Variants in CRADD observed in about 807,000 individuals in gnomAD.
CRADD encodes the protein death domain-containing protein CRADD.
Under a neutral mutation model 15.5 loss-of-function variants are expected in CRADD, and 9 were observed. The ratio of observed to expected loss-of-function variants is 0.58; its 90% CI spans 0.35 to 1.01. CRADD has a LOEUF of 1.01. Among genes scored for constraint, CRADD ranks in the 50% least tolerant of loss-of-function variants. The pLI is 0.02. For missense variants in CRADD, 227 were observed against 250.3 expected, an observed-to-expected ratio of 0.91 and a Z score of 0.63; for synonymous variants, 118 against 107.6, an observed-to-expected ratio of 1.10 and a Z score of -0.60.
intron 2 of CRADD, among the ~76,000 whole-genome samples, chr12:93,752,221 A>C (rs1956836768): frequency 6.6e-6 from 1 of 152,200 alleles, no homozygotes; most frequent in South Asian, 2.1e-4. Context: ...GTAGCCTTCC[A>C]AAGTATGTTA....
intron 2 of CRADD, among the ~76,000 whole-genome samples, chr12:93,787,315 T>TG (rs1395749758): frequency 6.9e-6 from 1 of 145,480 alleles, no homozygotes; most frequent in African/African-American, 2.5e-5. Flanking sequence ...GTTTTTTTTT[T>TG]TTTTTTTTTT....
chr12:93,711,557 CTT>C (rs1051112031), intron 2 of CRADD, among the ~76,000 whole-genome samples: 4 of 152,136 alleles, frequency 2.6e-5, no homozygotes, highest in Non-Finnish European at 4.4e-5. Context: ...TCCCCTCCCT[CTT>C]TATCAGCCAC....
At chr12:93,887,377 G>A (rs538012876) in intron 2 of CRADD, among the ~76,000 whole-genome samples, 2 of 152,326 alleles carry the variant, frequency 1.3e-5, no homozygotes, top group South Asian at 2.1e-4. Context: ...GGCCGCTAAC[G>A]AGTGGAGGGT....
chr12:93,728,528 T>G (rs932602858), intron 2 of CRADD, among the ~76,000 whole-genome samples: 1 of 152,234 alleles, frequency 6.6e-6, no homozygotes, highest in Non-Finnish European at 1.5e-5. Flanking sequence ...TCTATGAAAT[T>G]TGATAAAATA....
At chr12:93,875,284 T>C (rs1958450396) in intron 2 of CRADD, among the ~76,000 whole-genome samples, 1 of 152,038 alleles carries the variant, frequency 6.6e-6, no homozygotes, top group Non-Finnish European at 1.5e-5. Flanking sequence ...TCAGTCTATG[T>C]GTGTCTTTAG....
chr12:93,810,528 G>T (rs1957611312), intron 2 of CRADD, among the ~76,000 whole-genome samples: 1 of 113,258 alleles, frequency 8.8e-6, no homozygotes, highest in Admixed American at 1.3e-4. Context: ...TCCAGCCTGG[G>T]CAACAAGAGC....
intron 2 of CRADD, among the ~76,000 whole-genome samples, chr12:93,755,710 G>A (rs1956882929): frequency 1.3e-5 from 2 of 152,210 alleles, no homozygotes; most frequent in Non-Finnish European, 2.9e-5. Flanking sequence ...GCCACATACT[G>A]TAGTTTCTTC....
intron 2 of CRADD, among the ~76,000 whole-genome samples, chr12:93,882,186 C>T (rs1958506812): frequency 1.3e-5 from 2 of 151,876 alleles, no homozygotes; most frequent in Admixed American, 1.3e-4. Flanking sequence ...CTTTGGGAGG[C>T]CGAGGTGGGT....
At chr12:93,717,928 C>T (rs79867753) in intron 2 of CRADD, among the ~76,000 whole-genome samples, 209 of 152,288 alleles carry the variant, frequency 1.4e-3, no homozygotes, top group African/African-American at 4.1e-3. Context: ...ATTTGTTGAA[C>T]GGACTGTCTT....
chr12:93,842,113 T>A (rs1958055649), intron 2 of CRADD, among the ~76,000 whole-genome samples: 1 of 113,834 alleles, frequency 8.8e-6, no homozygotes, highest in Non-Finnish European at 2.0e-5. Context: ...TTTGTGTGTC[T>A]GCTGCACCTC....
At position 93,850,349 on chromosome 12, in the gene CRADD, G is replaced by A. The variant is rs548581936; in HGVS notation, c.*78G>A. ...TCCTGACTTTCACTCAGAGCAGGTG[G>A]TTTTTTGTGTAGGTTTGTTTTTTAT... is the stretch of plus-strand genomic sequence containing the variant. On this transcript the variant is annotated 3_prime_UTR_variant, in exon 3 of 3. Coordinates refer to ENST00000332896, the MANE Select transcript of CRADD (RefSeq NM_003805.5). The surrounding 1 kb of genome is among the most constrained non-coding windows in gnomAD (Gnocchi z 4.0). The A allele has an allele frequency of 1.3e-6, 2 of 1,488,914 alleles. No homozygotes were observed. The highest frequency in any genetic ancestry group is 1.4e-5 in the South Asian group (1 of 69,326). 92.2% of individuals were successfully genotyped at this position (1,488,914 alleles called of 1,614,324 possible). A position where few individuals can be genotyped will look rare whatever the true frequency, so the allele number is the denominator to read the frequency against.
chr12:93,790,970 TCCCCA>T (rs1957343144), intron 2 of CRADD, among the ~76,000 whole-genome samples: 1 of 146,694 alleles, frequency 6.8e-6, no homozygotes, highest in Non-Finnish European at 1.5e-5. Context: ...GACTAATCAC[TCCCCA>T]CCCCCCGACT....
intron 2 of CRADD, among the ~76,000 whole-genome samples, chr12:93,688,607 C>G (rs942979695): frequency 1.3e-5 from 2 of 152,054 alleles, no homozygotes; most frequent in African/African-American, 4.8e-5. Context: ...CAGCTATATT[C>G]TAAGTCCTTT....
chr12:93,887,430 G>T (rs1958545546), intron 2 of CRADD, among the ~76,000 whole-genome samples: 1 of 152,188 alleles, frequency 6.6e-6, no homozygotes, highest in Non-Finnish European at 1.5e-5. Context: ...AGGATTTGAA[G>T]CCATGTCCGT....
At chr12:93,720,635 G>A (rs1431235431) in intron 2 of CRADD, among the ~76,000 whole-genome samples, 1 of 152,134 alleles carries the variant, frequency 6.6e-6, no homozygotes, top group Non-Finnish European at 1.5e-5. Context: ...CGTATTCTTG[G>A]AATATTGACC....
At chr12:93,712,751 G>A (rs1956095996) in intron 2 of CRADD, among the ~76,000 whole-genome samples, 1 of 152,188 alleles carries the variant, frequency 6.6e-6, no homozygotes, top group African/African-American at 2.4e-5. Context: ...CTTAAAAACT[G>A]TAGACTAGGA....
At chr12:93,853,729 A>G (rs1958247642), downstream of CRADD, among the ~76,000 whole-genome samples, 2 of 152,174 alleles carry the variant, frequency 1.3e-5, no homozygotes, top group African/African-American at 4.8e-5. Flanking sequence ...TTCCATTTCC[A>G]CAAGAGTACG....
intron 2 of CRADD, among the ~76,000 whole-genome samples, chr12:93,748,436 T>C (rs958177610): frequency 6.6e-6 from 1 of 152,146 alleles, no homozygotes; most frequent in African/African-American, 2.4e-5. Context: ...GCCTCCTGAG[T>C]AACTGGGATT....
At chr12:93,863,026 C>G (rs577281387) in intron 2 of CRADD, among the ~76,000 whole-genome samples, 2 of 152,326 alleles carry the variant, frequency 1.3e-5, no homozygotes, top group African/African-American at 4.8e-5. Context: ...GAAAGAGACC[C>G]GTGGTTTTCT....
Sources: allele counts gnomAD v4.1 joint callset (sites outside exome capture counted in the v4.1 genomes callset), GRCh38; gene constraint gnomAD v4.1.1; non-coding constraint Gnocchi (gnomAD v3.1); transcripts MANE v1.5; gene names NCBI Gene and HGNC (gene_info 2026-07-23, HGNC 2026-07-21).